AP2A2: variants seen among roughly 807,000 people sequenced by gnomAD.
AP2A2 encodes adaptor related protein complex 2 subunit alpha 2, also known as AP-2 complex subunit alpha-2.
A neutral mutation model predicts 104.2 loss-of-function variants in AP2A2; 32 were observed. That is an observed-to-expected ratio of 0.31 (90% CI 0.23 to 0.41). The LOEUF (loss-of-function observed/expected upper bound fraction) is 0.41. Ranked by LOEUF, AP2A2 falls within the 10% of genes least tolerant of loss-of-function variation. The probability of loss-of-function intolerance (pLI) is 1.00; values close to 1 mark genes in which losing one functional copy is unlikely to be tolerated. For missense variants in AP2A2, 912 were observed against 1,261.0 expected, an observed-to-expected ratio of 0.72 and a Z score of 4.19; for synonymous variants, 539 against 533.3, an observed-to-expected ratio of 1.01 and a Z score of -0.15.
intron 1 of AP2A2, among the ~76,000 whole-genome samples, chr11:929,756 A>G (rs1853229697): frequency 6.6e-6 from 1 of 151,950 alleles, no homozygotes; most frequent in Non-Finnish European, 1.5e-5. Context: ...GGATTGCGCC[A>G]CTGCACTCCA....
At chr11:975,974 G>T (rs933113928) in intron 4 of AP2A2, among the ~76,000 whole-genome samples, 1 of 152,206 alleles carries the variant, frequency 6.6e-6, no homozygotes, top group Non-Finnish European at 1.5e-5. Flanking sequence ...TGGCATGCTG[G>T]GCGCCCTCGT....
intron 2 of AP2A2, among the ~76,000 whole-genome samples, chr11:962,727 T>C (rs1854483758): frequency 6.6e-6 from 1 of 151,912 alleles, no homozygotes; most frequent in African/African-American, 2.4e-5. Context: ...AGCAAGACTC[T>C]GTCTCAAAAA....
At chr11:962,870 G>A (rs72850159) in intron 2 of AP2A2, among the ~76,000 whole-genome samples, 71 of 152,170 alleles carry the variant, frequency 4.7e-4, no homozygotes, top group Non-Finnish European at 8.7e-4. Flanking sequence ...TTGAGCACGC[G>A]CGTACCCTGG....
intron 1 of AP2A2, among the ~76,000 whole-genome samples, chr11:934,017 G>C (rs780941208): frequency 2.2e-4 from 33 of 152,034 alleles, no homozygotes; most frequent in Non-Finnish European, 4.0e-4. Flanking sequence ...TGAGGGGCTG[G>C]TGGGTGCTCC....
At chr11:935,603 G>GTTTTCTTTTTTTTTTTTTT (rs1853428747) in intron 1 of AP2A2, among the ~76,000 whole-genome samples, 1 of 77,988 alleles carries the variant, frequency 1.3e-5, no homozygotes, top group Non-Finnish European at 2.4e-5. Context: ...TGCCCGGCCA[G>GTTTTCTTTTTTTTTTTTTT]TTTTTTTTTT....
intron 5 of AP2A2, among the ~76,000 whole-genome samples, chr11:979,614 T>G (rs918618295): frequency 6.6e-6 from 1 of 152,114 alleles, no homozygotes; most frequent in East Asian, 1.9e-4. Flanking sequence ...CAGGCTGGAG[T>G]GCAGTGGCGC....
chr11:933,754 A>G (rs925860730), intron 1 of AP2A2, among the ~76,000 whole-genome samples: 2 of 152,156 alleles, frequency 1.3e-5, no homozygotes, highest in African/African-American at 4.8e-5. Flanking sequence ...GACCCCAGAG[A>G]CACAGGGAGC....
chr11:993,771 A>AC lies in AP2A2; in HGVS notation c.1570dup (p.Leu524ProfsTer120). The AC allele has an allele frequency of 6.2e-7, 1 of 1,600,172 alleles. No individual in the cohort carries two copies. Among genetic ancestry groups the AC allele is most frequent in the Non-Finnish European group, 8.5e-7 (1 of 1,176,226 alleles). On this transcript the variant is annotated frameshift_variant, in exon 13 of 22. Transcript: ENST00000448903. LOFTEE classifies it high-confidence loss of function. The surrounding 1 kb of genome is among the most constrained non-coding windows in gnomAD (Gnocchi z 8.2). ...GTCCCCAGCCCGCTGATCCAGTTCC[A>AC]CCTGCTGCACTCCAAGTTCCACCTG...
intron 1 of AP2A2, among the ~76,000 whole-genome samples, chr11:933,958 C>T (rs1438284435): frequency 6.6e-6 from 1 of 152,120 alleles, no homozygotes; most frequent in Non-Finnish European, 1.5e-5. Flanking sequence ...GGTATCAAGG[C>T]TTCAGCAGGC....
chr11:998,868 A>G (rs1855941333), intron 14 of AP2A2, among the ~76,000 whole-genome samples: 1 of 152,034 alleles, frequency 6.6e-6, no homozygotes, highest in Admixed American at 6.6e-5. Context: ...TAATTTTTGT[A>G]TTTTTAGTAG....
chr11:956,105 C>T (rs1227788046), intron 1 of AP2A2, among the ~76,000 whole-genome samples: 4 of 152,168 alleles, frequency 2.6e-5, no homozygotes, highest in Non-Finnish European at 5.9e-5. Flanking sequence ...TTTAGGAGGC[C>T]AAGGTGAGAG....
intron 1 of AP2A2, among the ~76,000 whole-genome samples, chr11:935,217 G>C (rs913711076): frequency 6.6e-6 from 1 of 151,976 alleles, no homozygotes; most frequent in Non-Finnish European, 1.5e-5. Flanking sequence ...CACCATGCCC[G>C]GCTAATTTTT....
intron 5 of AP2A2, among the ~76,000 whole-genome samples, chr11:978,123 CAG>C (rs1298231034): frequency 4.6e-5 from 7 of 152,178 alleles, no homozygotes; most frequent in Non-Finnish European, 2.9e-5. Context: ...TCTTGGGCGT[CAG>C]AGAGTGTGCG....
At chr11:977,833 G>T (rs1352588484) in intron 5 of AP2A2, among the ~76,000 whole-genome samples, 1 of 152,102 alleles carries the variant, frequency 6.6e-6, no homozygotes, top group Non-Finnish European at 1.5e-5. Context: ...GTTGGCAGGA[G>T]TGGAAGTATT....
chr11:935,545 G>A (rs867392587), intron 1 of AP2A2, among the ~76,000 whole-genome samples: 24 of 148,100 alleles, frequency 1.6e-4, no homozygotes, highest in Non-Finnish European at 2.4e-4. Context: ...CAAGTGATGC[G>A]CCTGCCTTGG....
At chr11:959,662 T>C (rs1166681277) in intron 2 of AP2A2, among the ~76,000 whole-genome samples, 157 bp downstream of exon 2, 1 of 152,204 alleles carries the variant, frequency 6.6e-6, no homozygotes, top group East Asian at 1.9e-4. Flanking sequence ...GGAAATGGCA[T>C]GTGTGGAGCT....
intron 21 of AP2A2, 58 bp from the exon 22 acceptor site, chr11:1,010,490 A>C: frequency 7.1e-7 from 1 of 1,409,696 alleles, no homozygotes. Context: ...CGGATCCTGG[A>C]CCCGAGGGCT....
At chr11:974,845 C>A (rs1169934076) in intron 4 of AP2A2, among the ~76,000 whole-genome samples, 2 of 151,202 alleles carry the variant, frequency 1.3e-5, no homozygotes, top group African/African-American at 2.4e-5. Flanking sequence ...ATTAGCTGGG[C>A]ATGGTGGCGC....
intron 8 of AP2A2, 36 bp downstream of exon 8, chr11:985,618 G>A (rs181805350): frequency 4.2e-5 from 68 of 1,608,188 alleles, no homozygotes; most frequent in Non-Finnish European, 4.9e-5. Flanking sequence ...TTCGTCTCGC[G>A]CACACACACA....
Sources: gnomAD v4.1 joint callset for allele counts (sites outside exome capture counted in the v4.1 genomes callset) on GRCh38, gnomAD v4.1.1 for gene constraint, Gnocchi (gnomAD v3.1) non-coding constraint, MANE v1.5 for transcripts, NCBI Gene and HGNC (gene_info 2026-07-23, HGNC 2026-07-21) for gene names.